RERE: variants seen among roughly 807,000 people sequenced by gnomAD.
The protein encoded by RERE is arginine-glutamic acid dipeptide repeats protein.
Under a neutral mutation model 146.1 loss-of-function variants are expected in RERE, and 40 were observed. That is an observed-to-expected ratio of 0.27 (90% CI 0.21 to 0.36). RERE has a LOEUF of 0.36. RERE is among the 10% of genes least tolerant of loss of function. The pLI is 1.00. For synonymous variants in RERE, 1,003 were observed against 866.0 expected, an observed-to-expected ratio of 1.16 and a Z score of -2.78; for missense variants, 1,933 against 2,138.7, an observed-to-expected ratio of 0.90 and a Z score of 1.90.
chr1:8,644,966 A>G (rs1206870382), intron 2 of RERE, among the ~76,000 whole-genome samples: 1 of 152,114 alleles, frequency 6.6e-6, no homozygotes, highest in African/African-American at 2.4e-5. Context: ...TCAGGGTTTT[A>G]TGCAAATGTC....
chr1:8,649,463 C>T (rs984766408), intron 2 of RERE, among the ~76,000 whole-genome samples: 2 of 152,094 alleles, frequency 1.3e-5, no homozygotes, highest in South Asian at 2.1e-4. Context: ...GGCGCGGTGG[C>T]TCTCACCTGT....
intron 10 of RERE, among the ~76,000 whole-genome samples, chr1:8,481,957 G>A (rs1644839699): frequency 6.6e-6 from 1 of 152,104 alleles, no homozygotes. Flanking sequence ...CTTAGTGCAG[G>A]TGCCACATTT....
intron 1 of RERE, among the ~76,000 whole-genome samples, chr1:8,742,564 C>A (rs979229886): frequency 7.2e-5 from 11 of 152,106 alleles, no homozygotes; most frequent in African/African-American, 2.2e-4. Context: ...CTCACACCTG[C>A]GATCCCAGCG....
Position 8,451,494 on chromosome 1 carries a change from C to CA in RERE, c.1203+14430dup, listed in dbSNP as rs528717923. 6.6e-5 allele frequency among the ~76,000 whole-genome samples: 10 copies of CA among 152,242 alleles called. No homozygotes were observed. In the South Asian group the frequency reaches 1.0e-3, roughly 16 times the overall value. ...CCGACCTCCCACCAATTTTCTAGCC[C>CA]AATCTTCCACCCACTTTGGCTGCAT... On this transcript the variant is annotated intron_variant, in intron 11 of 22. Transcript: ENST00000400908.
At chr1:8,753,061 T>A (rs1640570444) in intron 1 of RERE, among the ~76,000 whole-genome samples, 1 of 152,170 alleles carries the variant, frequency 6.6e-6, no homozygotes, top group Non-Finnish European at 1.5e-5. Context: ...CATCCTTCAT[T>A]AAAAATGCAA....
At chr1:8,657,189 C>T (rs1638340118) in intron 1 of RERE, among the ~76,000 whole-genome samples, 1 of 151,610 alleles carries the variant, frequency 6.6e-6, no homozygotes, top group African/African-American at 2.4e-5. Context: ...CCTGTAGTCC[C>T]GGCTACTCAG....
intron 2 of RERE, among the ~76,000 whole-genome samples, chr1:8,644,355 G>C (rs531359608): frequency 3.9e-5 from 6 of 152,224 alleles, no homozygotes; most frequent in Admixed American, 2.0e-4. Flanking sequence ...TGGTTGGAAC[G>C]GTCAGTAGTT....
intron 1 of RERE, among the ~76,000 whole-genome samples, chr1:8,712,353 G>T (rs1301196417): frequency 6.6e-6 from 1 of 152,174 alleles, no homozygotes; most frequent in Non-Finnish European, 1.5e-5. Flanking sequence ...GAAGGCATGG[G>T]CTAACTTCTA....
chr1:8,361,809 T>C lies in RERE; in HGVS notation c.1970A>G (p.Asp657Gly). The part of the protein sequence containing the change: ...NKRQREKVAS[D>G]TEEADRTSSK... ...GCTGGTCCTGTCAGCCTCCTCCGTA[T>C]CAGAGGCCACCTTCTCCCGCTGGCG... The change falls in exon 17 of 23, where the codon GAT becomes GGT. Residue 657 changes from aspartate (D) to glycine (G), a missense_variant. Around this residue, in one of 11 missense-constraint regions of RERE, gnomAD observed 1,255 missense variants for 1,153.8 expected, o/e 1.09. Coordinates refer to ENST00000400908, the MANE Select transcript of RERE (RefSeq NM_001042681.2). The C allele has an allele frequency of 1.9e-6, 3 of 1,614,096 alleles. No individual in the cohort carries two copies. Among genetic ancestry groups the C allele is most frequent in the Non-Finnish European group, 1.7e-6 (2 of 1,179,954 alleles).
rs566119051 is a variant in RERE, at chr1:8,393,989, G to T, written c.1285-28015C>A. ...TGGCCACCTCCAATCTCCACCTGGG[G>T]ACTTAAAACACTGCAAAATCCTATA... is the stretch of plus-strand genomic sequence containing the variant. On this transcript the variant is annotated intron_variant, in intron 12 of 22. Coordinates refer to ENST00000400908, the MANE Select transcript of RERE (RefSeq NM_001042681.2). Among the ~76,000 whole-genome samples the T allele has an allele frequency of 3.9e-5, 6 of 152,258 alleles. No individual in the cohort carries two copies. The East Asian group carries it at 1.2e-3, about 29-fold the overall frequency.
At chr1:8,653,648 T>C (rs1485009488) in intron 2 of RERE, among the ~76,000 whole-genome samples, 1 of 133,302 alleles carries the variant, frequency 7.5e-6, no homozygotes, top group African/African-American at 2.9e-5. Flanking sequence ...TGAGCCAAGA[T>C]CGCGCCACTG....
At chr1:8,463,886 C>A (rs1383297286) in intron 11 of RERE, among the ~76,000 whole-genome samples, 5 of 152,250 alleles carry the variant, frequency 3.3e-5, no homozygotes, top group African/African-American at 4.8e-5. Flanking sequence ...GGACTGAAGA[C>A]AATCTCACAA....
chr1:8,664,721 C>T (rs1045952742), intron 1 of RERE, among the ~76,000 whole-genome samples: 1 of 152,108 alleles, frequency 6.6e-6, no homozygotes, highest in Admixed American at 6.6e-5. Flanking sequence ...CTCATTGTTA[C>T]CTTATAAATT....
chr1:8,513,336 T>G (rs1176640752), intron 7 of RERE, among the ~76,000 whole-genome samples: 1 of 152,220 alleles, frequency 6.6e-6, no homozygotes, highest in Admixed American at 6.5e-5. Context: ...TTTTATGTTT[T>G]TGCAAATCTC....
intron 12 of RERE, among the ~76,000 whole-genome samples, chr1:8,404,104 T>C (rs367874597): frequency 1.3e-5 from 2 of 152,084 alleles, no homozygotes; most frequent in South Asian, 2.1e-4. Flanking sequence ...GCTGGGATTA[T>C]AGGCCTGAGC....
chr1:8,482,221 A>T (rs1030328848), intron 10 of RERE, among the ~76,000 whole-genome samples: 2 of 18,030 alleles, frequency 1.1e-4, no homozygotes, highest in African/African-American at 1.2e-3. Context: ...TTGGATTGTA[A>T]AAGTGGCCTT....
rs1448514514 is a variant in RERE, at chr1:8,386,019, TA to T, written c.1285-20046del. Among the ~76,000 whole-genome samples the T allele has an allele frequency of 1.5e-3, 60 of 39,804 alleles. 1 individual carries two copies. Among genetic ancestry groups the T allele is most frequent in the East Asian group, 0.013 (20 of 1,556 alleles). 26.1% of individuals were successfully genotyped at this position (39,804 alleles called of 152,430 possible). On this transcript the variant is annotated intron_variant, in intron 12 of 22. Transcript: ENST00000400908. ...ATATATATATATATATATATATATA[TA>T]TATTTTTTTTTTTTTTTTTTTTTTT... is the stretch of plus-strand genomic sequence containing the variant.
At chr1:8,509,192 C>G (rs1270048131) in intron 7 of RERE, among the ~76,000 whole-genome samples, 1 of 152,144 alleles carries the variant, frequency 6.6e-6, no homozygotes, top group Admixed American at 6.5e-5. Context: ...AGGGATCCGC[C>G]TGCCTCGGCT....
At chr1:8,653,081 G>A (rs184091210) in intron 2 of RERE, among the ~76,000 whole-genome samples, 14 of 152,260 alleles carry the variant, frequency 9.2e-5, no homozygotes, top group Non-Finnish European at 1.5e-4. Flanking sequence ...TCCCATAAAT[G>A]GGAAAAATAG....
Sources: gnomAD v4.1 joint callset for allele counts (sites outside exome capture counted in the v4.1 genomes callset) on GRCh38, gnomAD v4.1.1 for gene constraint, gnomAD v4.1.1 regional missense constraint, MANE v1.5 for transcripts, NCBI Gene and HGNC (gene_info 2026-07-23, HGNC 2026-07-21) for gene names.